The following NXPH1 variants were observed in gnomAD, a reference collection of about 807,000 sequenced individuals.
NXPH1 encodes the protein neurexophilin-1.
A neutral mutation model predicts 23.7 loss-of-function variants in NXPH1; 5 were observed. The observed-to-expected ratio is 0.21, with a 90% CI of 0.11 to 0.44. The LOEUF (loss-of-function observed/expected upper bound fraction) is 0.44, where lower values mean the gene tolerates loss of function less well. Among genes scored for constraint, NXPH1 ranks in the 20% least tolerant of loss-of-function variants. The pLI, the probability that NXPH1 is intolerant of heterozygous loss-of-function variation, is 0.99. For synonymous variants in NXPH1, 144 were observed against 122.2 expected, an observed-to-expected ratio of 1.18 and a Z score of -1.18; for missense variants, 324 against 321.6, an observed-to-expected ratio of 1.01 and a Z score of -0.06.
chr7:8,679,920 C>T (rs936900714), intron 2 of NXPH1, among the ~76,000 whole-genome samples: 7 of 152,236 alleles, frequency 4.6e-5, no homozygotes, highest in Admixed American at 1.3e-4. Context: ...ACTAAGGAGG[C>T]TGAGGCAGTA....
At chr7:8,458,292 T>G (rs10952110) in intron 2 of NXPH1, among the ~76,000 whole-genome samples, 79,223 of 151,974 alleles carry the variant, frequency 0.52, 21,157 homozygotes, top group East Asian at 0.77. Flanking sequence ...GGCAGTTCCA[T>G]AACCTCTTTC....
intron 2 of NXPH1, among the ~76,000 whole-genome samples, chr7:8,511,628 T>C (rs1267638643): frequency 6.6e-6 from 1 of 152,116 alleles, no homozygotes; most frequent in Non-Finnish European, 1.5e-5. Context: ...GGGAAGACTT[T>C]TCCACCTCTC....
At chr7:8,668,944 C>T (rs10237532) in intron 2 of NXPH1, among the ~76,000 whole-genome samples, 10,735 of 151,872 alleles carry the variant, frequency 0.071, 805 homozygotes, top group East Asian at 0.25. Flanking sequence ...AGCATGGGTC[C>T]ATGGGGACTG....
intron 2 of NXPH1, among the ~76,000 whole-genome samples, chr7:8,740,674 GA>G (rs1163194487): frequency 6.6e-6 from 1 of 151,940 alleles, no homozygotes; most frequent in African/African-American, 2.4e-5. Flanking sequence ...TTGCATGAAG[GA>G]AATGATGTAC....
chr7:8,525,886 A>G lies in NXPH1; in HGVS notation c.54+90119A>G, dbSNP rs528892004. Reference sequence around the variant, plus strand: ...GGAGCCCTCATGGAGAACCTCTGCTAGGGTAGTGCATAAGAGAAATGTGGG... The same window carrying G: ...GGAGCCCTCATGGAGAACCTCTGCTGGGGTAGTGCATAAGAGAAATGTGGG... On this transcript the variant is annotated intron_variant, in intron 2 of 2. Coordinates refer to ENST00000405863, the MANE Select transcript of NXPH1 (RefSeq NM_152745.3). Among the ~76,000 whole-genome samples the G allele has an allele frequency of 2.0e-5, 3 of 152,334 alleles. No homozygotes were observed. In the East Asian group the frequency reaches 5.8e-4, roughly 29 times the overall value.
intron 2 of NXPH1, among the ~76,000 whole-genome samples, chr7:8,653,572 A>G (rs1455304772): frequency 1.3e-5 from 2 of 152,200 alleles, no homozygotes; most frequent in African/African-American, 4.8e-5. Context: ...TAAAGATGTT[A>G]TACTACCTTT....
At chr7:8,488,360 G>T (rs928771557) in intron 2 of NXPH1, among the ~76,000 whole-genome samples, 5 of 151,884 alleles carry the variant, frequency 3.3e-5, no homozygotes, top group African/African-American at 7.3e-5. Flanking sequence ...GTGATATCAG[G>T]CTTCAAAAAA....
chr7:8,619,680 C>T (rs933140564), intron 2 of NXPH1, among the ~76,000 whole-genome samples: 18 of 152,148 alleles, frequency 1.2e-4, no homozygotes, highest in African/African-American at 4.3e-4. Context: ...CATGTCTTAT[C>T]TTATTCTCCA....
At chr7:8,660,808 G>T (rs1416995657) in intron 2 of NXPH1, among the ~76,000 whole-genome samples, 1 of 151,962 alleles carries the variant, frequency 6.6e-6, no homozygotes, top group East Asian at 1.9e-4. Flanking sequence ...CAAGTTTAAG[G>T]TTACTCTAGA....
In NXPH1 at chr7:8,435,524, A is replaced by C; in HGVS notation, c.-110-80A>C. ...TTTTTTTGGTCCCCCACTCCCCGCT[A>C]CGACCCCCTTTCCCCGCTTGATTGT... On this transcript the variant is annotated intron_variant, in intron 1 of 2. Coordinates refer to ENST00000405863, the MANE Select transcript of NXPH1 (RefSeq NM_152745.3). The surrounding 1 kb of genome is among the most constrained non-coding windows in gnomAD (Gnocchi z 5.9). The C allele has an allele frequency of 7.3e-6, 4 of 544,656 alleles. No homozygotes were observed. Among genetic ancestry groups the C allele is most frequent in the South Asian group, 2.6e-5 (1 of 38,800 alleles). 33.7% of individuals were successfully genotyped at this position (544,656 alleles called of 1,614,324 possible). A position where few individuals can be genotyped will look rare whatever the true frequency, so the allele number is the denominator to read the frequency against.
intron 2 of NXPH1, among the ~76,000 whole-genome samples, chr7:8,619,520 G>A (rs188829763): frequency 1.2e-4 from 19 of 152,268 alleles, no homozygotes; most frequent in Non-Finnish European, 2.5e-4. Flanking sequence ...GCCTTTATAA[G>A]TATGCATATC....
intron 2 of NXPH1, among the ~76,000 whole-genome samples, chr7:8,455,805 A>G (rs1584166373): frequency 6.6e-6 from 1 of 152,358 alleles, no homozygotes; most frequent in African/African-American, 2.4e-5. Flanking sequence ...CCTATAAAAT[A>G]TTAAGTGGCT....
intron 2 of NXPH1, among the ~76,000 whole-genome samples, chr7:8,532,894 G>C (rs1270921606): frequency 1.3e-5 from 2 of 152,072 alleles, no homozygotes; most frequent in Non-Finnish European, 2.9e-5. Context: ...GTTAGTGTGG[G>C]GGTAAATGAG....
chr7:8,599,453 G>A (rs946163542), intron 2 of NXPH1, among the ~76,000 whole-genome samples: 1 of 152,074 alleles, frequency 6.6e-6, no homozygotes, highest in African/African-American at 2.4e-5. Flanking sequence ...TCCCCACTTA[G>A]TAAGTACAAT....
At position 8,751,263 on chromosome 7, in the gene NXPH1, G is replaced by A. The variant is rs1221440893; in HGVS notation, c.310G>A (p.Ala104Thr). 3.7e-6 allele frequency: 6 copies of A among 1,613,948 alleles called. No individual in the cohort carries two copies. The highest frequency in any genetic ancestry group is 5.1e-6 in the Non-Finnish European group (6 of 1,179,844). Residue 104 changes from alanine (A) to threonine (T), a missense_variant, in exon 3 of 3, where the codon GCC (alanine) becomes ACC (threonine). Coordinates refer to ENST00000405863, the MANE Select transcript of NXPH1 (RefSeq NM_152745.3). The surrounding 1 kb of genome is among the most constrained non-coding windows in gnomAD (Gnocchi z 4.5). ...AGACCTTCAAGAGCCTCGGCCCAGG[G>A]CCAAGAGAAGGCCCATTGTTAAAAC... ...STDLQEPRPRAKRRPIVKTGK... is the reference protein window; with the variant it reads ...STDLQEPRPRTKRRPIVKTGK...
intron 2 of NXPH1, among the ~76,000 whole-genome samples, chr7:8,669,900 C>G (rs998924183): frequency 3.9e-5 from 6 of 152,172 alleles, no homozygotes; most frequent in Admixed American, 2.0e-4. Flanking sequence ...AAAATATTTT[C>G]ATGCAGGGAT....
At chr7:8,529,829 A>G (rs933445740) in intron 2 of NXPH1, among the ~76,000 whole-genome samples, 1 of 152,162 alleles carries the variant, frequency 6.6e-6, no homozygotes, top group Non-Finnish European at 1.5e-5. Context: ...GAGTAATTAC[A>G]TTAAGCTGAG....
At chr7:8,687,311 A>C (rs1326073755) in intron 2 of NXPH1, among the ~76,000 whole-genome samples, 1 of 152,120 alleles carries the variant, frequency 6.6e-6, no homozygotes, top group South Asian at 2.1e-4. Flanking sequence ...GGGGACTCCA[A>C]GAAGGAGGAG....
intron 2 of NXPH1, among the ~76,000 whole-genome samples, chr7:8,520,969 A>G (rs1035350528): frequency 6.6e-6 from 1 of 152,128 alleles, no homozygotes; most frequent in Non-Finnish European, 1.5e-5. Flanking sequence ...TGCCAAATTC[A>G]TTTGTCTTGT....
Sources: allele counts gnomAD v4.1 joint callset (sites outside exome capture counted in the v4.1 genomes callset), GRCh38; gene constraint gnomAD v4.1.1; non-coding constraint Gnocchi (gnomAD v3.1); transcripts MANE v1.5; gene names NCBI Gene and HGNC (gene_info 2026-07-23, HGNC 2026-07-21).